The following NID2 variants were observed in gnomAD, a reference collection of about 807,000 sequenced individuals.
NID2 encodes nidogen-2.
In NID2, 83 loss-of-function variants were observed where a neutral mutation model predicts 145.4. That is an observed-to-expected ratio of 0.57 (90% CI 0.48 to 0.69). The LOEUF is 0.69. Ranked by LOEUF, NID2 falls within the 30% of genes least tolerant of loss-of-function variation. The pLI, the probability that NID2 is intolerant of heterozygous loss-of-function variation, is 0.00. For synonymous variants in NID2, 739 were observed against 701.3 expected (o/e 1.05, Z -0.85); for missense variants, 1,807 against 1,765.7 (o/e 1.02, Z -0.42).
intron 5 of NID2, among the ~76,000 whole-genome samples, chr14:52,048,541 T>C (rs2749882): frequency 6.6e-6 from 1 of 151,868 alleles, no homozygotes; most frequent in African/African-American, 2.4e-5. Flanking sequence ...GTGGTCATTT[T>C]CATGTCCCTA....
intron 9 of NID2, 30 bp from the exon 10 acceptor site, chr14:52,029,720 A>C (rs773857708): frequency 6.2e-7 from 1 of 1,602,620 alleles, no homozygotes; most frequent in Non-Finnish European, 8.5e-7. Flanking sequence ...ATAAAAGCAC[A>C]ATCTGGCTAT....
At position 52,053,873 on chromosome 14, in the gene NID2, A is replaced by T. The variant is rs1278069089; in HGVS notation, c.1135T>A (p.Leu379Ile). 1.2e-6 allele frequency: 2 copies of T among 1,614,012 alleles called. No individual in the cohort carries two copies. Among genetic ancestry groups the T allele is most frequent in the Non-Finnish European group, 1.7e-6 (2 of 1,179,954 alleles). The change falls in exon 5 of 22, where the codon TTA (leucine) becomes ATA (isoleucine). Residue 379 changes from leucine to isoleucine, a missense_variant. Physicochemically the swap from Leu to Ile is conservative, Grantham distance 5 (BLOSUM62 2). Transcript: ENST00000216286. ...TCCCAGGGCTCAACTTGGCCTTTTA[A>T]ATCTGGGCCCCCTACCTCTCCCAGA... ...TSLGEVGGPD[L>I]KGQVEPWDER...
In NID2 at chr14:52,054,102, C is replaced by T. The variant is rs201878901; in HGVS notation, c.987G>A (p.Pro329=). The T allele has an allele frequency of 1.9e-5, 31 of 1,614,158 alleles. No individual in the cohort carries two copies. Among genetic ancestry groups the T allele is most frequent in the Admixed American group, 1.8e-4 (11 of 60,024 alleles). ...CATTCAATGCCTCCTCTGGTTCACC[C>T]GGAAGGTATTCAGCTTCCTCCTCAT... ...DVNEEEAEYL[P]GEPEEALNGH... Residue 329 remains proline, a synonymous_variant, in exon 4 of 22, where the codon CCG becomes CCA. Coordinates refer to ENST00000216286, the MANE Select transcript of NID2 (RefSeq NM_007361.4).
At position 52,005,818 on chromosome 14, in the gene NID2, C is replaced by CAGTTT; in HGVS notation, c.4035_4036insAAACT (p.Gly1346LysfsTer20). 1 of 1,613,468 alleles carries CAGTTT rather than the reference C, an allele frequency of 6.2e-7. No individual in the cohort carries two copies. Among genetic ancestry groups the CAGTTT allele is most frequent in the Non-Finnish European group, 8.5e-7 (1 of 1,179,478 alleles). On this transcript the variant is annotated frameshift_variant, in exon 21 of 22. Coordinates refer to ENST00000216286, the MANE Select transcript of NID2 (RefSeq NM_007361.4). LOFTEE classifies it high-confidence loss of function. ...GGGAGATACTCATCAGTAAACTGGC[C>CAGTTT]ACTATGTTTATTTACTGATACAACA...
rs767640745 is a variant in NID2, at chr14:52,010,866, C to T, written c.3722+10G>A. On this transcript the variant is annotated intron_variant, in intron 18 of 21. Transcript: ENST00000216286. ...ACAGGTAAGAGAAGAATTAGGGAAG[C>T]CCAGCTGACCCTCGGATTGGATCCA... 3 of 1,609,674 alleles carry T rather than the reference C, an allele frequency of 1.9e-6. No homozygotes were observed. The highest frequency in any genetic ancestry group is 2.5e-6 in the Non-Finnish European group (3 of 1,177,684).
intron 5 of NID2, among the ~76,000 whole-genome samples, chr14:52,047,898 A>G (rs1324541966): frequency 1.3e-5 from 2 of 152,172 alleles, no homozygotes; most frequent in Non-Finnish European, 2.9e-5. Flanking sequence ...TCCAGAGACC[A>G]CTGCATCAGG....
At chr14:52,049,738 T>C (rs1359265548) in intron 5 of NID2, among the ~76,000 whole-genome samples, 3 of 152,222 alleles carry the variant, frequency 2.0e-5, no homozygotes, top group Non-Finnish European at 4.4e-5. Context: ...GTGTGTGGCA[T>C]GTAATGATGC....
chr14:52,005,219 T>A lies in NID2; in HGVS notation c.*267A>T, dbSNP rs12896261. The A allele has an allele frequency of 0.073, 25,365 of 346,732 alleles. 1,100 individuals are homozygous for A. The highest frequency in any genetic ancestry group is 0.14 in the Middle Eastern group (174 of 1,272). 21.5% of individuals were successfully genotyped at this position (346,732 alleles called of 1,614,324 possible). A position where few individuals can be genotyped will look rare whatever the true frequency, so the allele number is the denominator to read the frequency against. ...CTTTTAAATATTAATGATAAATGTTTACAAGAAGTTGCTTTAATAAGCAAC... is the reference window on the plus strand; with the variant it reads ...CTTTTAAATATTAATGATAAATGTTAACAAGAAGTTGCTTTAATAAGCAAC... On this transcript the variant is annotated 3_prime_UTR_variant, in exon 22 of 22. Transcript: ENST00000216286.
Position 52,007,820 on chromosome 14 carries a change from C to G in NID2, c.3870G>C (p.Trp1290Cys). Residue 1290 changes from tryptophan to cysteine, a missense_variant, in exon 19 of 22, where the codon TGG (tryptophan) becomes TGC (cysteine). Physicochemically the swap from Trp to Cys is radical, Grantham distance 215 (BLOSUM62 -2). Transcript: ENST00000216286. ...CATCAGTAGTATTACCTGCATCTGC[C>G]CAGCAGAGCAGTTTAGAGAAAGGGT... ...TFDPFSKLLC[W>C]ADAGTKKLEC... is the part of the protein sequence containing the mutation. 6.2e-7 allele frequency: 1 copy of G among 1,613,664 alleles called. No individual in the cohort carries two copies. Among genetic ancestry groups the G allele is most frequent in the Non-Finnish European group, 8.5e-7 (1 of 1,179,818 alleles).
At position 52,026,501 on chromosome 14, in the gene NID2, C is replaced by A. The variant is rs567064740; in HGVS notation, c.2674+700G>T. On this transcript the variant is annotated intron_variant, in intron 12 of 21. Coordinates refer to ENST00000216286, the MANE Select transcript of NID2 (RefSeq NM_007361.4). ...ACTGAGTTTCAATCTGATCACATAC[C>A]ACAGGGTATGTTTGGAAAACCTTTT... Among the ~76,000 whole-genome samples the A allele has an allele frequency of 3.9e-5, 6 of 152,252 alleles. No homozygotes were observed. The South Asian group carries it at 1.2e-3, about 32-fold the overall frequency.
intron 16 of NID2, among the ~76,000 whole-genome samples, chr14:52,012,624 T>C (rs895200549): frequency 6.6e-6 from 1 of 152,246 alleles, no homozygotes; most frequent in Admixed American, 6.5e-5. Flanking sequence ...ATCTAATTTA[T>C]TGGGTTAAGG....
chr14:52,011,495 G>T, intron 17 of NID2, 59 bp downstream of exon 17: 1 of 1,608,552 alleles, frequency 6.2e-7, no homozygotes. Context: ...TCGGCGTAAA[G>T]TAGACAAGTG....
At chr14:52,068,489 T>C (rs1893304954) in intron 1 of NID2, among the ~76,000 whole-genome samples, 1 of 152,222 alleles carries the variant, frequency 6.6e-6, no homozygotes, top group Non-Finnish European at 1.5e-5. Context: ...CTCGCGGTCC[T>C]AACTGCAAAG....
chr14:52,059,608 T>C (rs1892960573), intron 3 of NID2, among the ~76,000 whole-genome samples: 1 of 152,260 alleles, frequency 6.6e-6, no homozygotes, highest in Non-Finnish European at 1.5e-5. Context: ...CAGACACTGA[T>C]GAGTCTAAGG....
At chr14:52,053,556 A>G (rs1241530042) in intron 5 of NID2, 23 bp downstream of exon 5, 3 of 1,595,390 alleles carry the variant, frequency 1.9e-6, no homozygotes, top group Non-Finnish European at 2.6e-6. Context: ...AAACCTTAGC[A>G]CCCAGTTTTC....
chr14:52,036,657 C>T (rs372180534), intron 9 of NID2, among the ~76,000 whole-genome samples: 2 of 152,150 alleles, frequency 1.3e-5, no homozygotes, highest in Non-Finnish European at 2.9e-5. Flanking sequence ...TCCATGTTCT[C>T]GCCAACACTT....
intron 12 of NID2, among the ~76,000 whole-genome samples, chr14:52,024,710 G>T (rs1321976192): frequency 2.6e-5 from 4 of 152,116 alleles, no homozygotes; most frequent in African/African-American, 9.7e-5. Flanking sequence ...TAGTTTGTAG[G>T]CTTTGGAAAG....
In NID2 at chr14:52,015,296, G is replaced by C. The variant is rs376247588; in HGVS notation, c.3029-21C>G. The C allele has an allele frequency of 2.5e-5, 39 of 1,587,784 alleles. 1 individual carries two copies. The African/African-American group carries it at 5.1e-4, about 21-fold the overall frequency. On this transcript the variant is annotated intron_variant, in intron 14 of 21. Coordinates refer to ENST00000216286, the MANE Select transcript of NID2 (RefSeq NM_007361.4). Reference sequence around the variant, plus strand: ...GGGCTCTGAGCAGATGGGGAAGAGGGAAGAAGAAAAACCTTTGATTGTGAG... The same window carrying C: ...GGGCTCTGAGCAGATGGGGAAGAGGCAAGAAGAAAAACCTTTGATTGTGAG...
At chr14:52,011,471 A>G in intron 17 of NID2, 83 bp downstream of exon 17, 2 of 1,567,564 alleles carry the variant, frequency 1.3e-6, no homozygotes, top group Non-Finnish European at 1.7e-6. Flanking sequence ...ATGGAGAAAA[A>G]TCGAGGGGAG....
Sources: allele counts gnomAD v4.1 joint callset (sites outside exome capture counted in the v4.1 genomes callset), GRCh38; gene constraint gnomAD v4.1.1; transcripts MANE v1.5; gene names NCBI Gene and HGNC (gene_info 2026-07-23, HGNC 2026-07-21).